The following SVIL variants were observed in gnomAD, a reference collection of about 807,000 sequenced individuals.
SVIL encodes the protein supervillin, also known as archvillin.
In SVIL, 101 loss-of-function variants were observed where a neutral mutation model predicts 240.4. The ratio of observed to expected loss-of-function variants is 0.42; its 90% CI spans 0.36 to 0.50. SVIL has a LOEUF of 0.50. Ranked by LOEUF, SVIL falls within the 20% of genes least tolerant of loss-of-function variation. SVIL has a pLI of 0.01. For synonymous variants in SVIL, 999 were observed against 1,100.0 expected (o/e 0.91, Z 1.82); for missense variants, 2,512 against 2,818.7 (o/e 0.89, Z 2.46).
intron 31 of SVIL, 46 bp downstream of exon 31, chr10:29,471,092 A>G: frequency 6.5e-7 from 1 of 1,543,796 alleles, no homozygotes; most frequent in Non-Finnish European, 8.9e-7. Context: ...ATTCTTTCCA[A>G]GAGAGGGAAA....
chr10:29,506,725 A>G (rs1741595117), intron 17 of SVIL, among the ~76,000 whole-genome samples: 1 of 92,946 alleles, frequency 1.1e-5, no homozygotes, highest in African/African-American at 3.4e-5. Context: ...TAGAGACTCT[A>G]CGAAGGAGGG....
At chr10:29,606,880 A>G (rs1183470393) in intron 1 of SVIL, among the ~76,000 whole-genome samples, 1 of 152,056 alleles carries the variant, frequency 6.6e-6, no homozygotes, top group African/African-American at 2.4e-5. Context: ...TCAGCCTCCC[A>G]AGCAGCTGGG....
chr10:29,555,313 GAC>G (rs60699689), intron 3 of SVIL, among the ~76,000 whole-genome samples: 4,053 of 132,478 alleles, frequency 0.031, 59 homozygotes, highest in Middle Eastern at 0.044. Context: ...AGAGTGTGCA[GAC>G]ACACACACAC....
At chr10:29,562,580 C>T (rs1169682096) in intron 3 of SVIL, among the ~76,000 whole-genome samples, 5 of 152,074 alleles carry the variant, frequency 3.3e-5, no homozygotes, top group African/African-American at 1.2e-4. Flanking sequence ...GCCAACATAG[C>T]GAAACCCTGT....
Position 29,529,749 on chromosome 10 carries a change from G to A in SVIL, c.2202C>T (p.Ser734=), listed in dbSNP as rs763128752. The part of the protein sequence containing the change: ...EQRLRRLQDR[S]LTQPITTEEV... ...CTTCAGTGGTGATGGGCTGGGTGAG[G>A]GACCTGTCCTGCAGACGGCGTAGCC... The change falls in exon 12 of 38, where the codon TCC becomes TCT. Residue 734 remains serine, a synonymous_variant. Transcript: ENST00000355867. 6 of 1,613,572 alleles carry A rather than the reference G, an allele frequency of 3.7e-6. No individual in the cohort carries two copies. In the South Asian group the frequency reaches 6.6e-5, roughly 18 times the overall value.
At chr10:29,526,017 G>T (rs1236195238) in intron 13 of SVIL, among the ~76,000 whole-genome samples, 3 of 152,138 alleles carry the variant, frequency 2.0e-5, no homozygotes, top group African/African-American at 7.2e-5. Context: ...TTTGCGGTTT[G>T]GCTCATATAA....
At chr10:29,734,684 G>A (rs977462910) in intron 1 of SVIL, among the ~76,000 whole-genome samples, 3 of 152,256 alleles carry the variant, frequency 2.0e-5, no homozygotes, top group Admixed American at 2.0e-4. Flanking sequence ...GAATTCCATC[G>A]ATTGACTGCG....
At chr10:29,512,599 T>C (rs1949915980) in intron 17 of SVIL, 136 bp downstream of exon 17, 2 of 1,453,132 alleles carry the variant, frequency 1.4e-6, no homozygotes, top group Non-Finnish European at 1.9e-6. Flanking sequence ...TGTGACAGAC[T>C]CTCAGTGTGT....
chr10:29,539,196 T>TAAATAAATAAATAAATAAAC (rs1320762560), intron 6 of SVIL, among the ~76,000 whole-genome samples: 1 of 150,944 alleles, frequency 6.6e-6, no homozygotes, highest in Non-Finnish European at 1.5e-5. Context: ...AATAAATAAA[T>TAAATAAATAAATAAATAAAC]AAACAAACAA....
chr10:29,498,088 C>CAAAAAAAAAAA (rs34280398), intron 18 of SVIL, among the ~76,000 whole-genome samples: 29 of 37,486 alleles, frequency 7.7e-4, no homozygotes, highest in Admixed American at 3.0e-3. Context: ...TCCCCTCCAC[C>CAAAAAAAAAAA]AAAAAAAAAA....
In SVIL at chr10:29,470,314, C is replaced by G. The variant is rs779736311; in HGVS notation, c.5805G>C (p.Lys1935Asn). Residue 1935 changes from lysine (K) to asparagine (N), a missense_variant, in exon 32 of 38, where the codon AAG (lysine) becomes AAC (asparagine). Physicochemically the swap from Lys to Asn is moderately conservative, Grantham distance 94. Coordinates refer to ENST00000355867, the MANE Select transcript of SVIL (RefSeq NM_021738.3). ...TGTTCGCAGCGGTCCTTCCGACCTC[C>G]TTCGTGTGGGCCTGGGCTTTGCATC... ...WHGCKAQAHT[K>N]EVGRTAANKI... 8.1e-6 allele frequency: 13 copies of G among 1,614,100 alleles called. No homozygotes were observed. Among genetic ancestry groups the G allele is most frequent in the Non-Finnish European group, 1.0e-5 (12 of 1,180,044 alleles).
chr10:29,531,934 C>A, intron 9 of SVIL, 68 bp downstream of exon 9: 1 of 1,543,678 alleles, frequency 6.5e-7, no homozygotes, highest in Admixed American at 1.7e-5. Context: ...TCAAGACCGT[C>A]AGTGTGGTAA....
At chr10:29,596,486 A>T (rs180803639) in intron 1 of SVIL, among the ~76,000 whole-genome samples, 56 of 152,210 alleles carry the variant, frequency 3.7e-4, no homozygotes, top group African/African-American at 9.9e-4. Flanking sequence ...AAGAAAAAAA[A>T]ATTATTTGCC....
At chr10:29,620,697 C>A (rs774910970) in intron 1 of SVIL, among the ~76,000 whole-genome samples, 2 of 152,204 alleles carry the variant, frequency 1.3e-5, no homozygotes, top group Non-Finnish European at 2.9e-5. Flanking sequence ...CAGCTCACTG[C>A]AAACTCCACC....
chr10:29,596,446 T>C (rs1956592905), intron 1 of SVIL, among the ~76,000 whole-genome samples: 1 of 152,152 alleles, frequency 6.6e-6, no homozygotes, highest in Non-Finnish European at 1.5e-5. Flanking sequence ...GCACTCCAGC[T>C]TGGGCAACAG....
At chr10:29,666,797 T>C (rs1380588332) in intron 2 of SVIL, among the ~76,000 whole-genome samples, 1 of 152,214 alleles carries the variant, frequency 6.6e-6, no homozygotes, top group East Asian at 1.9e-4. Context: ...GAAAGTCATA[T>C]TCCGAGGTTT....
chr10:29,522,376 A>G lies in SVIL; in HGVS notation c.3389+34T>C, dbSNP rs747997194. The G allele has an allele frequency of 1.9e-6, 3 of 1,608,008 alleles. No homozygotes were observed. In the South Asian group the frequency reaches 3.3e-5, roughly 18 times the overall value. ...AAAGCAAGCTGTAAGCTCCTCCCCG[A>G]GAGAATTACTTTTCGCTCACCGAAT... On this transcript the variant is annotated intron_variant, in intron 16 of 37. Transcript: ENST00000355867.
At position 29,471,194 on chromosome 10, in the gene SVIL, T is replaced by A. The variant is rs748573297; in HGVS notation, c.5579A>T (p.Gln1860Leu). Residue 1860 changes from glutamine to leucine, a missense_variant, in exon 31 of 38, where the codon CAG becomes CTG. Physicochemically the swap from Gln to Leu is moderately radical, Grantham distance 113 (BLOSUM62 -2). Coordinates refer to ENST00000355867, the MANE Select transcript of SVIL (RefSeq NM_021738.3). ...KEPPCFLQCF[Q>L]GGMVVHSGRR... Reference sequence around the variant, plus strand: ...CCCCGAGTGCACCACCATCCCCCCCTGGAAACACTGCAGGAAACAGGGGGG... The same window carrying A: ...CCCCGAGTGCACCACCATCCCCCCCAGGAAACACTGCAGGAAACAGGGGGG... 2.5e-6 allele frequency: 4 copies of A among 1,613,758 alleles called. No homozygotes were observed. The South Asian group carries it at 4.4e-5, about 18-fold the overall frequency.
chr10:29,597,902 G>C lies in SVIL; in HGVS notation c.-200-28590C>G, dbSNP rs904165804. ...CAGCAAGGTTAAAACAACAGGGCTT[G>C]TGACAAAAGAATTAAAAGCAGGGTG... On this transcript the variant is annotated intron_variant, in intron 1 of 37. Coordinates refer to ENST00000355867, the MANE Select transcript of SVIL (RefSeq NM_021738.3). 7.2e-5 allele frequency among the ~76,000 whole-genome samples: 11 copies of C among 152,162 alleles called. No individual in the cohort carries two copies. In the South Asian group the frequency reaches 1.9e-3, roughly 26 times the overall value.
Sources: gnomAD v4.1 joint callset for allele counts (sites outside exome capture counted in the v4.1 genomes callset) on GRCh38, gnomAD v4.1.1 for gene constraint, MANE v1.5 for transcripts, NCBI Gene and HGNC (gene_info 2026-07-23, HGNC 2026-07-21) for gene names.